GALK1: variants seen among roughly 807,000 people sequenced by gnomAD.
GALK1 encodes galactokinase.
Under a neutral mutation model 38.6 loss-of-function variants are expected in GALK1, and 30 were observed. The ratio of observed to expected loss-of-function variants is 0.78; its 90% CI spans 0.58 to 1.05. GALK1 has a LOEUF of 1.05. Ranked by LOEUF, GALK1 falls within the 50% of genes least tolerant of loss-of-function variation. The pLI is 0.00. For missense variants in GALK1, 512 were observed against 540.5 expected (o/e 0.95, Z 0.52); for synonymous variants, 240 against 233.6 (o/e 1.03, Z -0.25).
At chr17:75,762,914 A>G in intron 4 of GALK1, 29 bp from the exon 5 acceptor site, 2 of 1,612,134 alleles carry the variant, frequency 1.2e-6, no homozygotes. Flanking sequence ...GGGGGAGATG[A>G]CGAGGCCAAG....
At chr17:75,760,540 C>T (rs965821494) in intron 5 of GALK1, among the ~76,000 whole-genome samples, 2 of 150,758 alleles carry the variant, frequency 1.3e-5, no homozygotes, top group African/African-American at 2.4e-5. Context: ...CCAAGGCAGG[C>T]GGATCACTTG....
Position 75,762,726 on chromosome 17 carries a change from C to T in GALK1, c.771G>A (p.Glu257=), listed in dbSNP as rs764099539. 46 of 1,613,734 alleles carry T rather than the reference C, an allele frequency of 2.9e-5. No individual in the cohort carries two copies. In the South Asian group the frequency reaches 3.8e-4, roughly 13 times the overall value. Residue 257 remains glutamate, a synonymous_variant, in exon 5 of 8, where the codon GAG becomes GAA. Transcript: ENST00000588479. The part of the protein sequence containing the change: ...ARALGKESLR[E]VQLEELEAAR... ...CACCCTCTAGCTCTTCCAGTTGTAC[C>T]TCCCGGAGGCTTTCCTTGCCCAGCG...
chr17:75,753,945 C>T, downstream of GALK1: 1 of 1,273,654 alleles, frequency 7.9e-7, no homozygotes. Flanking sequence ...GGCAGCCTGC[C>T]CCGCAGTGCG....
intron 5 of GALK1, among the ~76,000 whole-genome samples, chr17:75,759,247 G>A (rs2061574590): frequency 6.6e-6 from 1 of 152,048 alleles, no homozygotes; most frequent in Non-Finnish European, 1.5e-5. Flanking sequence ...GGCCAACATG[G>A]CGAAACCCCG....
chr17:75,764,623 C>T (rs961194555), intron 1 of GALK1: 13 of 468,614 alleles, frequency 2.8e-5, no homozygotes, highest in Non-Finnish European at 4.8e-5. Flanking sequence ...GCGGTTGGGG[C>T]CCCACGGTGG....
Position 75,765,058 on chromosome 17 carries a change from C to T in GALK1, c.79G>A (p.Glu27Lys). ...GGCGCTGACACGGCCAGCTCGGGCT[C>T]GGCCCCGAACTCCTCCCGGAAGGCT... Reference protein sequence around the residue: ...RRAFREEFGAEPELAVSAPGR... With the variant: ...RRAFREEFGAKPELAVSAPGR... Residue 27 changes from glutamate (E) to lysine (K), a missense_variant, in exon 1 of 8, where the codon GAG (glutamate) becomes AAG (lysine). Physicochemically the swap from Glu to Lys is moderately conservative, Grantham distance 56 (BLOSUM62 1). Transcript: ENST00000588479. The T allele has an allele frequency of 2.5e-6, 4 of 1,603,502 alleles. No individual in the cohort carries two copies. Among genetic ancestry groups the T allele is most frequent in the Non-Finnish European group, 3.4e-6 (4 of 1,175,906 alleles).
chr17:75,757,601 G>A (rs768005612), downstream of GALK1: 53 of 1,611,180 alleles, frequency 3.3e-5, no homozygotes, highest in South Asian at 4.4e-5. Flanking sequence ...GCGTCCTCCC[G>A]ACTCCTCTCC....
chr17:75,762,985 C>T (rs377498337), intron 4 of GALK1, 29 bp downstream of exon 4: 12 of 1,611,852 alleles, frequency 7.4e-6, no homozygotes, highest in South Asian at 3.3e-5. Context: ...GAGTGCAGGG[C>T]GGGAGGGGAC....
chr17:75,758,977 G>C (rs773055034), intron 5 of GALK1, among the ~76,000 whole-genome samples: 20 of 152,198 alleles, frequency 1.3e-4, no homozygotes, highest in Non-Finnish European at 2.6e-4. Flanking sequence ...GGACCAGCAG[G>C]CTGTCCCATC....
downstream of GALK1, chr17:75,754,092 T>G (rs532606176): frequency 2.6e-5 from 12 of 461,302 alleles, no homozygotes; most frequent in South Asian, 7.6e-4. Flanking sequence ...GGCCCGGGCC[T>G]TGGCGGCTGG....
At chr17:75,753,194 T>C (rs2061407290), downstream of GALK1, among the ~76,000 whole-genome samples, 1 of 152,254 alleles carries the variant, frequency 6.6e-6, no homozygotes. Context: ...TATTTTCTTC[T>C]GTCCCTGCCG....
At chr17:75,757,122 T>C (rs748558097), downstream of GALK1, 41 of 1,612,578 alleles carry the variant, frequency 2.5e-5, no homozygotes, top group African/African-American at 5.2e-4. Flanking sequence ...GCACCTGTCC[T>C]TTCCTTCACC....
chr17:75,759,753 G>A (rs1006095786), intron 5 of GALK1, among the ~76,000 whole-genome samples: 3 of 152,166 alleles, frequency 2.0e-5, no homozygotes, highest in Non-Finnish European at 4.4e-5. Context: ...TCTGGAGAAC[G>A]TGACACAGTT....
Position 75,765,003 on chromosome 17 carries a change from G to A in GALK1, c.134C>T (p.Thr45Met), listed in dbSNP as rs376599506. Residue 45 changes from threonine (T) to methionine (M), a missense_variant, in exon 1 of 8, where the codon ACG becomes ATG. Thr to Met is a moderately conservative substitution (Grantham distance 81). Transcript: ENST00000588479. ...PGRVNLIGEHTDYNQGLVLPM... is the reference protein window; with the variant it reads ...PGRVNLIGEHMDYNQGLVLPM... ...CAGCACCAGGCCCTGGTTGTAGTCC[G>A]TGTGTTCCCCGATGAGGTTGACGCG... 41 of 1,610,410 alleles carry A rather than the reference G, an allele frequency of 2.5e-5. No homozygotes were observed. Among genetic ancestry groups the A allele is most frequent in the Non-Finnish European group, 3.1e-5 (37 of 1,178,790 alleles).
chr17:75,756,688 C>T, downstream of GALK1: 3 of 1,613,478 alleles, frequency 1.9e-6, no homozygotes, highest in Non-Finnish European at 2.5e-6. Flanking sequence ...TGATGCTCTT[C>T]CTCTACTGCC....
chr17:75,760,856 G>A (rs2061584469), intron 5 of GALK1, among the ~76,000 whole-genome samples: 1 of 152,058 alleles, frequency 6.6e-6, no homozygotes, highest in South Asian at 2.1e-4. Context: ...GATTACTTGA[G>A]CCCAAGAGTT....
rs1599335758 is a variant in GALK1, at chr17:75,763,406, A to C, written c.389T>G (p.Val130Gly). Reference protein sequence around the residue: ...APLPGFSAVVVSSVPLGGGLS... With the variant: ...APLPGFSAVVGSSVPLGGGLS... ...GCCACCCCCCAGGGGCACTGAGCTG[A>C]CCACCACTGCACTGAAGCCAGGGAG... The change falls in exon 3 of 8, where the codon GTC (valine) becomes GGC (glycine). Residue 130 changes from valine (V) to glycine (G), a missense_variant. Physicochemically the swap from Val to Gly is moderately radical, Grantham distance 109. Coordinates refer to ENST00000588479, the MANE Select transcript of GALK1 (RefSeq NM_000154.2). 6.2e-7 allele frequency: 1 copy of C among 1,611,276 alleles called. No homozygotes were observed. Among genetic ancestry groups the C allele is most frequent in the Non-Finnish European group, 8.5e-7 (1 of 1,178,954 alleles).
chr17:75,752,559 A>G, intron 8 of GALK1: 6 of 1,613,602 alleles, frequency 3.7e-6, no homozygotes, highest in South Asian at 1.1e-5. Flanking sequence ...CCAGAGGCCC[A>G]GCGTCTCCGA....
chr17:75,757,379 C>T, downstream of GALK1: 5 of 1,612,998 alleles, frequency 3.1e-6, no homozygotes, highest in Non-Finnish European at 4.2e-6. Flanking sequence ...GAAGGGCAGA[C>T]CCCAAGCCAG....
Sources: allele counts gnomAD v4.1 joint callset (sites outside exome capture counted in the v4.1 genomes callset), GRCh38; gene constraint gnomAD v4.1.1; transcripts MANE v1.5; gene names NCBI Gene and HGNC (gene_info 2026-07-23, HGNC 2026-07-21).